Variants in LCLAT1 observed in about 807,000 individuals in gnomAD.
LCLAT1 encodes the protein lysocardiolipin acyltransferase 1.
LCLAT1 carries 11 observed loss-of-function variants against 30.7 expected under a neutral mutation model. The ratio of observed to expected loss-of-function variants is 0.36; its 90% confidence interval spans 0.23 to 0.59. The LOEUF (loss-of-function observed/expected upper bound fraction) is 0.59. LCLAT1 is among the 20% of genes least tolerant of loss of function. The pLI is 0.77. For synonymous variants in LCLAT1, 155 were observed against 151.3 expected (o/e 1.02, Z -0.18); for missense variants, 402 against 458.6 (o/e 0.88, Z 1.13).
At chr2:30,495,189 A>G (rs912207046) in intron 1 of LCLAT1, among the ~76,000 whole-genome samples, 1 of 152,292 alleles carries the variant, frequency 6.6e-6, no homozygotes, top group Middle Eastern at 3.4e-3. Context: ...TCAAGTGCAG[A>G]AACAGATTTA....
intron 3 of LCLAT1, among the ~76,000 whole-genome samples, chr2:30,554,152 T>C (rs570157451): frequency 6.6e-6 from 1 of 152,214 alleles, no homozygotes; most frequent in South Asian, 2.1e-4. Context: ...AAAAGTTTTA[T>C]AGCAAAACCT....
chr2:30,530,089 A>G (rs1015730578), intron 2 of LCLAT1, among the ~76,000 whole-genome samples: 8 of 152,202 alleles, frequency 5.3e-5, no homozygotes, highest in African/African-American at 1.4e-4. Flanking sequence ...ATGCTTCCAT[A>G]TTTCTGTTAA....
At chr2:30,508,128 T>C (rs1057121898) in intron 1 of LCLAT1, among the ~76,000 whole-genome samples, 1 of 152,148 alleles carries the variant, frequency 6.6e-6, no homozygotes, top group Non-Finnish European at 1.5e-5. Flanking sequence ...TTGCGCACTT[T>C]TTAATGGGTT....
chr2:30,557,979 T>G (rs1558518485), intron 3 of LCLAT1, among the ~76,000 whole-genome samples: 1 of 152,318 alleles, frequency 6.6e-6, no homozygotes, highest in East Asian at 1.9e-4. Context: ...CTGCTTCACA[T>G]AATCCATAAA....
chr2:30,629,137 G>A (rs1346171882), intron 5 of LCLAT1, among the ~76,000 whole-genome samples: 1 of 152,212 alleles, frequency 6.6e-6, no homozygotes. Flanking sequence ...AAATTAGTAT[G>A]TAGAAAACAT....
chr2:30,472,076 C>T (rs1464846093), intron 1 of LCLAT1, among the ~76,000 whole-genome samples: 3 of 152,114 alleles, frequency 2.0e-5, no homozygotes, highest in Admixed American at 6.6e-5. Flanking sequence ...GTGGAGTTAA[C>T]TGGAAAACTT....
chr2:30,454,015 A>G (rs958874480), intron 1 of LCLAT1, among the ~76,000 whole-genome samples: 3 of 152,230 alleles, frequency 2.0e-5, no homozygotes, highest in Non-Finnish European at 4.4e-5. Context: ...CTTAATTACT[A>G]TGCTATAATG....
chr2:30,488,910 C>T (rs1007695539), intron 1 of LCLAT1, among the ~76,000 whole-genome samples: 1 of 152,232 alleles, frequency 6.6e-6, no homozygotes, highest in African/African-American at 2.4e-5. Context: ...GGACATTCTT[C>T]AGATTCTGTT....
intron 1 of LCLAT1, among the ~76,000 whole-genome samples, chr2:30,448,510 G>T (rs1308873532): frequency 1.3e-5 from 2 of 152,170 alleles, no homozygotes; most frequent in Non-Finnish European, 2.9e-5. Context: ...GTAGTACCTT[G>T]TTCTGTAACT....
chr2:30,577,243 T>C (rs572229019), intron 5 of LCLAT1, among the ~76,000 whole-genome samples: 33 of 152,176 alleles, frequency 2.2e-4, no homozygotes, highest in Non-Finnish European at 4.0e-4. Context: ...TTATCGTAAG[T>C]TGGCTACTCG....
chr2:30,491,630 G>A (rs1050635559), intron 1 of LCLAT1, among the ~76,000 whole-genome samples: 1 of 152,158 alleles, frequency 6.6e-6, no homozygotes, highest in East Asian at 1.9e-4. Context: ...TAAAGCAGGT[G>A]GCCTTAGTAC....
intron 1 of LCLAT1, among the ~76,000 whole-genome samples, chr2:30,520,090 C>T (rs1296864445): frequency 4.6e-5 from 7 of 152,268 alleles, no homozygotes; most frequent in South Asian, 4.2e-4. Flanking sequence ...AGTTCTCTTC[C>T]GGGACCCACA....
intron 5 of LCLAT1, among the ~76,000 whole-genome samples, chr2:30,625,353 A>T (rs1053011725): frequency 6.6e-6 from 1 of 152,200 alleles, no homozygotes; most frequent in East Asian, 1.9e-4. Flanking sequence ...TAACCAAAAA[A>T]TGAAGAGAGA....
intron 5 of LCLAT1, among the ~76,000 whole-genome samples, chr2:30,614,273 G>A (rs1667882997): frequency 7.6e-6 from 1 of 132,056 alleles, no homozygotes; most frequent in African/African-American, 2.9e-5. Context: ...ACTCTGAGTT[G>A]ACACAGCACA....
chr2:30,569,846 T>C (rs538436928), intron 5 of LCLAT1, among the ~76,000 whole-genome samples: 41 of 152,320 alleles, frequency 2.7e-4, no homozygotes, highest in South Asian at 1.0e-3. Flanking sequence ...ACTTGTGGAC[T>C]TGATATTCAT....
intron 5 of LCLAT1, among the ~76,000 whole-genome samples, chr2:30,605,523 T>G (rs937438271): frequency 1.3e-5 from 2 of 152,226 alleles, no homozygotes; most frequent in African/African-American, 4.8e-5. Flanking sequence ...TAAGAACTGC[T>G]TTAGTGTTTA....
At chr2:30,505,239 G>T (rs371918597) in intron 1 of LCLAT1, among the ~76,000 whole-genome samples, 40 of 151,688 alleles carry the variant, frequency 2.6e-4, no homozygotes, top group African/African-American at 9.4e-4. Context: ...TTATCAGTTT[G>T]CCCTCTAAAC....
At chr2:30,572,602 G>A (rs947335649) in intron 5 of LCLAT1, among the ~76,000 whole-genome samples, 2 of 152,154 alleles carry the variant, frequency 1.3e-5, no homozygotes, top group Non-Finnish European at 2.9e-5. Context: ...TACTGCTGCT[G>A]AGCAGAGGAA....
intron 5 of LCLAT1, among the ~76,000 whole-genome samples, chr2:30,632,544 A>G (rs1181973388): frequency 6.6e-6 from 1 of 152,234 alleles, no homozygotes; most frequent in African/African-American, 2.4e-5. Context: ...ATCTCTCTCA[A>G]AGGACAAGGA....
Sources: gnomAD v4.1 joint callset for allele counts (sites outside exome capture counted in the v4.1 genomes callset) on GRCh38, gnomAD v4.1.1 for gene constraint, MANE v1.5 for transcripts, NCBI Gene and HGNC (gene_info 2026-07-23, HGNC 2026-07-21) for gene names.